The following SYT12 variants were observed in gnomAD, a reference collection of about 807,000 sequenced individuals.
SYT12 encodes the protein synaptotagmin-12.
Under a neutral mutation model 39.5 loss-of-function variants are expected in SYT12, and 27 were observed. That is an observed-to-expected ratio of 0.68 (90% CI 0.50 to 0.94). The LOEUF is 0.94. SYT12 is among the 40% of genes least tolerant of loss of function. SYT12 has a pLI of 0.00. For synonymous variants in SYT12, 233 were observed against 239.7 expected, an observed-to-expected ratio of 0.97 and a Z score of 0.26; for missense variants, 536 against 572.6, an observed-to-expected ratio of 0.94 and a Z score of 0.65.
intron 7 of SYT12, among the ~76,000 whole-genome samples, 198 bp from the exon 8 acceptor site, chr11:67,048,386 C>G (rs908077064): frequency 6.6e-6 from 1 of 152,076 alleles, no homozygotes. Context: ...CTAGGCAGGC[C>G]TAGTTCAAAC....
In SYT12 at chr11:67,045,732, G is replaced by T; in HGVS notation, c.959-12G>T. Reference sequence around the variant, plus strand: ...GTGTGACACTGGCCCTCACCTGTCCGCCTGCCCACAGACCCCTTCGTCAAG... The same window carrying T: ...GTGTGACACTGGCCCTCACCTGTCCTCCTGCCCACAGACCCCTTCGTCAAG... On this transcript the variant is annotated splice_polypyrimidine_tract_variant and intron_variant, in intron 6 of 7. Coordinates refer to ENST00000527043, the MANE Select transcript of SYT12 (RefSeq NM_177963.4). 6.2e-7 allele frequency: 1 copy of T among 1,613,000 alleles called. No homozygotes were observed. The highest frequency in any genetic ancestry group is 8.5e-7 in the Non-Finnish European group (1 of 1,179,548).
intron 4 of SYT12, among the ~76,000 whole-genome samples, chr11:67,041,074 G>A (rs1950504277): frequency 6.6e-6 from 1 of 152,102 alleles, no homozygotes; most frequent in Admixed American, 6.5e-5. Context: ...TACTTGGGAG[G>A]CTGAGATGGG....
upstream of SYT12, among the ~76,000 whole-genome samples, chr11:67,018,705 A>C (rs780861385): frequency 1.7e-4 from 26 of 151,760 alleles, no homozygotes; most frequent in Non-Finnish European, 2.9e-4. Flanking sequence ...CACCTGTAGT[A>C]CCAGCTACTC....
chr11:67,014,450 CA>C (rs1950037292), intron 3 of SYT12, among the ~76,000 whole-genome samples: 1 of 152,236 alleles, frequency 6.6e-6, no homozygotes, highest in African/African-American at 2.4e-5. Flanking sequence ...CGAGGACCCA[CA>C]GATCCAAGGG....
intron 3 of SYT12, among the ~76,000 whole-genome samples, chr11:67,012,778 CTG>C (rs1478461431): frequency 2.6e-5 from 4 of 152,208 alleles, no homozygotes. Flanking sequence ...GTTGAGGAAA[CTG>C]AGGCACAGAG....
intron 4 of SYT12, among the ~76,000 whole-genome samples, chr11:67,040,876 A>G (rs1025195294): frequency 6.7e-6 from 1 of 148,756 alleles, no homozygotes; most frequent in Non-Finnish European, 1.5e-5. Context: ...AGGACTGTCC[A>G]GGTACAGTGA....
chr11:67,037,055 CAA>C (rs1950395451), intron 3 of SYT12, among the ~76,000 whole-genome samples: 1 of 152,132 alleles, frequency 6.6e-6, no homozygotes, highest in Admixed American at 6.6e-5. Flanking sequence ...GCCTGGGCAA[CAA>C]GAGCAAAACT....
chr11:67,039,339 G>A (rs562959662), intron 3 of SYT12, among the ~76,000 whole-genome samples: 4 of 151,630 alleles, frequency 2.6e-5, no homozygotes, highest in African/African-American at 4.8e-5. Context: ...GGCTGGGCAC[G>A]GTGGCTCACG....
intron 1 of SYT12, among the ~76,000 whole-genome samples, chr11:67,025,151 G>A (rs981210015): frequency 6.6e-6 from 1 of 152,148 alleles, no homozygotes; most frequent in African/African-American, 2.4e-5. Context: ...AGGTGACCTG[G>A]GGCCCCAGCT....
At chr11:67,020,416 C>T (rs1950097451), upstream of SYT12, among the ~76,000 whole-genome samples, 1 of 152,184 alleles carries the variant, frequency 6.6e-6, no homozygotes, top group Non-Finnish European at 1.5e-5. Context: ...GTGCAGCATG[C>T]AGCCACATGA....
chr11:67,011,361 G>A (rs913960764), intron 3 of SYT12, among the ~76,000 whole-genome samples: 8 of 152,130 alleles, frequency 5.3e-5, no homozygotes, highest in African/African-American at 1.9e-4. Context: ...TCCTACCTCA[G>A]CCTCTTGAGC....
chr11:67,037,751 G>A (rs1379266741), intron 3 of SYT12, among the ~76,000 whole-genome samples: 3 of 151,514 alleles, frequency 2.0e-5, no homozygotes. Flanking sequence ...GTGTGATGGT[G>A]CATGCCTGTA....
rs1195824664 is a variant in SYT12, at chr11:67,034,542, G to T, written c.35-103G>T. On this transcript the variant is annotated intron_variant, in intron 2 of 7. Coordinates refer to ENST00000527043, the MANE Select transcript of SYT12 (RefSeq NM_177963.4). ...ATCTCCAGCACCTAGCACATAGTAG[G>T]CATTCAATAAATATCCATTCAATGT... The T allele has an allele frequency of 3.0e-6, 3 of 985,436 alleles. No individual in the cohort carries two copies. In the African/African-American group the frequency reaches 5.1e-5, roughly 17 times the overall value. The allele number at this position is 985,436 out of a possible 1,614,324, so 61.0% of individuals were successfully genotyped here.
In SYT12 at chr11:67,050,212, G is replaced by A. The variant is rs1590662990; in HGVS notation, c.*1455G>A. On this transcript the variant is annotated 3_prime_UTR_variant, in exon 8 of 8. Transcript: ENST00000527043. ...CCCCAGCCCCAGTAGGAGGAGAGCA[G>A]GCAGAGCTTGTCATCCCCAGCCTGG... 1 of 152,434 alleles carries A rather than the reference G, an allele frequency of 6.6e-6. No homozygotes were observed. Among genetic ancestry groups the A allele is most frequent in the Non-Finnish European group, 1.5e-5 (1 of 68,196 alleles). The allele number at this position is 152,434 out of a possible 1,614,324, so 9.4% of individuals were successfully genotyped here. A position where few individuals can be genotyped will look rare whatever the true frequency, so the allele number is the denominator to read the frequency against.
rs1303128848 is a variant in SYT12, at chr11:67,034,710, A to G, written c.100A>G (p.Ile34Val). 1 of 1,602,566 alleles carries G rather than the reference A, an allele frequency of 6.2e-7. No individual in the cohort carries two copies. The highest frequency in any genetic ancestry group is 8.5e-7 in the Non-Finnish European group (1 of 1,175,608). The change falls in exon 3 of 8, where the codon ATC (isoleucine) becomes GTC (valine). Residue 34 changes from isoleucine (I) to valine (V), a missense_variant. Transcript: ENST00000527043. ...YAAGALALLG[I>V]AAVSLWKLWT... ...TGCAGGGGCCCTGGCCCTGCTGGGA[A>G]TCGCAGCTGTGAGCCTGTGGAAGCT...
intron 3 of SYT12, among the ~76,000 whole-genome samples, chr11:67,017,517 G>A (rs1385300648): frequency 7.2e-5 from 11 of 151,832 alleles, no homozygotes; most frequent in East Asian, 5.9e-4. Context: ...CTGCCACCAC[G>A]CCCGGCTAAT....
Position 67,048,663 on chromosome 11 carries a change from C to T in SYT12, c.1172C>T (p.Pro391Leu), listed in dbSNP as rs765915268. The T allele has an allele frequency of 8.1e-6, 13 of 1,612,824 alleles. No individual in the cohort carries two copies. The highest frequency in any genetic ancestry group is 1.3e-5 in the African/African-American group (1 of 74,932). ...AACGTGGGCCATGTCATCATTGGGCCGTCAGCCAGTGGCATGGGAACCACA... is the reference window on the plus strand; with the variant it reads ...AACGTGGGCCATGTCATCATTGGGCTGTCAGCCAGTGGCATGGGAACCACA... ...GDNVGHVIIGPSASGMGTTHW... is the reference protein window; with the variant it reads ...GDNVGHVIIGLSASGMGTTHW... The change falls in exon 8 of 8, where the codon CCG becomes CTG. Residue 391 changes from proline (P) to leucine (L), a missense_variant. Physicochemically the swap from Pro to Leu is moderately conservative, Grantham distance 98. Transcript: ENST00000527043.
At chr11:67,035,560 C>T (rs927197718) in intron 3 of SYT12, among the ~76,000 whole-genome samples, 24 of 150,260 alleles carry the variant, frequency 1.6e-4, no homozygotes, top group South Asian at 8.4e-4. Flanking sequence ...CGGGTTCACG[C>T]CATTCTCCTG....
At chr11:67,044,001 G>A (rs1261465597) in intron 5 of SYT12, 148 bp downstream of exon 5, 8 of 792,776 alleles carry the variant, frequency 1.0e-5, no homozygotes, top group South Asian at 1.8e-5. Flanking sequence ...AGCCACATCC[G>A]AGGAAACTGC....
Sources: allele counts gnomAD v4.1 joint callset (sites outside exome capture counted in the v4.1 genomes callset), GRCh38; gene constraint gnomAD v4.1.1; transcripts MANE v1.5; gene names NCBI Gene and HGNC (gene_info 2026-07-23, HGNC 2026-07-21).